The following AUTS2 variants were observed in gnomAD, a reference collection of about 807,000 sequenced individuals.
AUTS2 encodes activator of transcription and developmental regulator AUTS2.
In AUTS2, 17 loss-of-function variants were observed where a neutral mutation model predicts 112.4. The observed-to-expected ratio is 0.15, with a 90% CI of 0.10 to 0.23. AUTS2 has a LOEUF of 0.23. AUTS2 is among the 10% of genes least tolerant of loss of function. AUTS2 has a pLI of 1.00. For synonymous variants in AUTS2, 751 were observed against 702.7 expected (o/e 1.07, Z -1.09); for missense variants, 1,510 against 1,701.6 (o/e 0.89, Z 1.98).
intron 3 of AUTS2, among the ~76,000 whole-genome samples, chr7:70,131,535 C>T (rs183833150): frequency 1.4e-4 from 22 of 152,258 alleles, no homozygotes; most frequent in African/African-American, 5.3e-4. Flanking sequence ...GAAAGCAGTA[C>T]CAATCCCTAA....
chr7:69,805,041 C>A (rs1790241199), intron 1 of AUTS2, among the ~76,000 whole-genome samples: 1 of 152,184 alleles, frequency 6.6e-6, no homozygotes, highest in African/African-American at 2.4e-5. Context: ...ACAGTTATAT[C>A]TTCCTTTAAA....
intron 2 of AUTS2, among the ~76,000 whole-genome samples, chr7:70,083,792 T>G (rs1803442271): frequency 6.6e-6 from 1 of 151,888 alleles, no homozygotes; most frequent in African/African-American, 2.4e-5. Flanking sequence ...ACAAAAAAAT[T>G]AAAAATTAGC....
chr7:69,826,200 A>G (rs1791234891), intron 1 of AUTS2, among the ~76,000 whole-genome samples: 1 of 152,226 alleles, frequency 6.6e-6, no homozygotes, highest in South Asian at 2.1e-4. Flanking sequence ...TATATTAAGT[A>G]AGGATAACCC....
chr7:70,601,021 A>G (rs150386275), intron 5 of AUTS2, among the ~76,000 whole-genome samples: 143 of 152,270 alleles, frequency 9.4e-4, no homozygotes, highest in African/African-American at 2.0e-3. Flanking sequence ...TATTTCTTCA[A>G]TTCTCTTGGG....
In AUTS2 at chr7:70,740,516, C is replaced by T. The variant is rs375273464; in HGVS notation, c.743-22354C>T. The stretch of plus-strand genomic sequence containing the variant: ...TGCTAGGATCATAATCATGTCTCAT[C>T]ATATTCCTCTTCTCTCTTCAACACT... On this transcript the variant is annotated intron_variant, in intron 6 of 18. Transcript: ENST00000342771. 2.7e-4 allele frequency among the ~76,000 whole-genome samples: 41 copies of T among 152,176 alleles called. 1 individual carries two copies. In the South Asian group the frequency reaches 7.9e-3, roughly 29 times the overall value.
chr7:70,672,366 A>C (rs1807687606), intron 5 of AUTS2, among the ~76,000 whole-genome samples: 1 of 152,250 alleles, frequency 6.6e-6, no homozygotes, highest in Non-Finnish European at 1.5e-5. Context: ...ACAAGAGAAT[A>C]ATAATAGTAT....
intron 5 of AUTS2, among the ~76,000 whole-genome samples, chr7:70,439,328 A>G (rs1022810293): frequency 2.0e-5 from 3 of 152,152 alleles, no homozygotes; most frequent in Admixed American, 2.0e-4. Context: ...TGACAAGATC[A>G]GGAGTTGGAG....
intron 5 of AUTS2, among the ~76,000 whole-genome samples, chr7:70,560,064 G>C (rs751982502): frequency 6.6e-6 from 1 of 152,132 alleles, no homozygotes; most frequent in Non-Finnish European, 1.5e-5. Flanking sequence ...CTTCCAACAA[G>C]CTGAGCTAAT....
Position 69,599,886 on chromosome 7 carries a change from G to A in AUTS2, c.233G>A (p.Arg78Lys). The A allele has an allele frequency of 6.2e-7, 1 of 1,613,500 alleles. No homozygotes were observed. Residue 78 changes from arginine to lysine, a missense_variant, in exon 1 of 19, where the codon AGA becomes AAA. This residue lies in a region of AUTS2 where 535 missense variants were observed against 594.3 expected (regional missense o/e 0.90). Transcript: ENST00000342771. This position sits in a 1 kb window ranked among gnomAD's most constrained non-coding sequence, Gnocchi z 7.0. ...SRPRPPRRKR[R>K]ESTSAEEDII... ...CCCAGACCCCCGCGGAGGAAGCGGAGAGAGTCCACCTCGGCAGAAGAGGAC... is the reference window on the plus strand; with the variant it reads ...CCCAGACCCCCGCGGAGGAAGCGGAAAGAGTCCACCTCGGCAGAAGAGGAC...
intron 1 of AUTS2, among the ~76,000 whole-genome samples, chr7:69,602,757 A>G (rs1315893822): frequency 1.3e-5 from 2 of 152,360 alleles, no homozygotes; most frequent in African/African-American, 4.8e-5. Flanking sequence ...GAAGCCGTAA[A>G]TACATTTGTC....
At chr7:70,212,440 A>G (rs1322067009) in intron 4 of AUTS2, among the ~76,000 whole-genome samples, 1 of 152,136 alleles carries the variant, frequency 6.6e-6, no homozygotes, top group Non-Finnish European at 1.5e-5. Context: ...TCCTGAATTG[A>G]TTTGCATACT....
intron 4 of AUTS2, among the ~76,000 whole-genome samples, chr7:70,364,377 A>G (rs780438561): frequency 6.6e-6 from 1 of 151,950 alleles, no homozygotes; most frequent in Non-Finnish European, 1.5e-5. Context: ...ATCCTGGCCA[A>G]CATGGTGAAA....
intron 1 of AUTS2, among the ~76,000 whole-genome samples, chr7:69,779,459 A>G (rs1789048357): frequency 6.6e-6 from 1 of 152,126 alleles, no homozygotes; most frequent in Non-Finnish European, 1.5e-5. Flanking sequence ...AAAGGAGTAT[A>G]ACTTAAAAAA....
At position 70,027,898 on chromosome 7, in the gene AUTS2, G is replaced by A. The variant is rs530905707; in HGVS notation, c.523-90234G>A. On this transcript the variant is annotated intron_variant, in intron 2 of 18. Transcript: ENST00000342771. ...TTGCTTTAAGTGTTTTTTTTTGTTT[G>A]TTTTGAACAGTAAGAAACTATTTAG... Among the ~76,000 whole-genome samples, 4 of 151,864 alleles carry A rather than the reference G, an allele frequency of 2.6e-5. No individual in the cohort carries two copies. In the South Asian group the frequency reaches 8.3e-4, roughly 32 times the overall value.
At chr7:69,693,301 C>G (rs944953723) in intron 1 of AUTS2, among the ~76,000 whole-genome samples, 4 of 152,208 alleles carry the variant, frequency 2.6e-5, no homozygotes, top group African/African-American at 9.6e-5. Context: ...TTTCCCCATT[C>G]TGGGGGTAAA....
intron 5 of AUTS2, among the ~76,000 whole-genome samples, chr7:70,692,723 T>C (rs1050095893): frequency 2.7e-5 from 4 of 150,922 alleles, no homozygotes; most frequent in African/African-American, 9.7e-5. Flanking sequence ...ACTTAGAGGC[T>C]AGAGGAGGGG....
intron 4 of AUTS2, among the ~76,000 whole-genome samples, chr7:70,151,281 A>G (rs187313104): frequency 3.3e-5 from 5 of 152,280 alleles, no homozygotes; most frequent in African/African-American, 9.6e-5. Flanking sequence ...CTGGGAAAGA[A>G]CCATCCAGAA....
intron 5 of AUTS2, among the ~76,000 whole-genome samples, chr7:70,506,427 A>G (rs543867648): frequency 1.4e-4 from 22 of 152,336 alleles, no homozygotes; most frequent in Middle Eastern, 3.4e-3. Context: ...CATGCCTCAT[A>G]GTTTAGCTTT....
chr7:69,790,030 C>G lies in AUTS2; in HGVS notation c.310-109256C>G, dbSNP rs1445945368. ...GCCCAGTGGATCACACCTGTAATCC[C>G]AGCACTTTGGGAGTCTGAGCTGGGA... is the stretch of plus-strand genomic sequence containing the variant. On this transcript the variant is annotated intron_variant, in intron 1 of 18. Coordinates refer to ENST00000342771, the MANE Select transcript of AUTS2 (RefSeq NM_015570.4). Among the ~76,000 whole-genome samples, 8 of 152,020 alleles carry G rather than the reference C, an allele frequency of 5.3e-5. No individual in the cohort carries two copies. The East Asian group carries it at 5.8e-4, about 11-fold the overall frequency.
Sources: allele counts gnomAD v4.1 joint callset (sites outside exome capture counted in the v4.1 genomes callset), GRCh38; gene constraint gnomAD v4.1.1; regional missense constraint gnomAD v4.1.1; non-coding constraint Gnocchi (gnomAD v3.1); transcripts MANE v1.5; gene names NCBI Gene and HGNC (gene_info 2026-07-23, HGNC 2026-07-21).